The following SPAG16 variants were observed in gnomAD, a reference collection of about 807,000 sequenced individuals.
The protein encoded by SPAG16 is sperm-associated antigen 16 protein.
A neutral mutation model predicts 80.4 loss-of-function variants in SPAG16; 86 were observed. The ratio of observed to expected loss-of-function variants is 1.07; its 90% confidence interval spans 0.90 to 1.28. The LOEUF (loss-of-function observed/expected upper bound fraction) is 1.28. Ranked by LOEUF, SPAG16 falls within the 50% of genes most tolerant of loss-of-function variation. The pLI is 0.00. For missense variants in SPAG16, 870 were observed against 765.3 expected, an observed-to-expected ratio of 1.14 and a Z score of -1.61; for synonymous variants, 294 against 265.9, an observed-to-expected ratio of 1.11 and a Z score of -1.03.
At chr2:213,797,789 A>G (rs1185069713) in intron 10 of SPAG16, among the ~76,000 whole-genome samples, 1 of 152,224 alleles carries the variant, frequency 6.6e-6, no homozygotes, top group Non-Finnish European at 1.5e-5. Context: ...GCATTTATGT[A>G]CAAGTCTTTG....
At chr2:214,056,280 T>TACACACACACACACAC (rs60247479) in intron 13 of SPAG16, among the ~76,000 whole-genome samples, 1 of 144,562 alleles carries the variant, frequency 6.9e-6, no homozygotes, top group African/African-American at 2.6e-5. Context: ...GTAGTAGAAA[T>TACACACACACACACAC]ACACACACAC....
At chr2:214,148,669 A>T (rs2055787877) in intron 14 of SPAG16, among the ~76,000 whole-genome samples, 1 of 6,358 alleles carries the variant, frequency 1.6e-4, no homozygotes, top group Admixed American at 4.1e-3. Context: ...TAAATTATCA[A>T]TGCTAACTAA....
rs139486780 is a variant in SPAG16, at chr2:213,668,624, TTTTTGTTTTG to T, written c.1070+178553_1070+178562del. On this transcript the variant is annotated intron_variant, in intron 10 of 15. Coordinates refer to ENST00000331683, the MANE Select transcript of SPAG16 (RefSeq NM_024532.5). The stretch of plus-strand genomic sequence containing the variant: ...ATTTTTTGAGAAATATAATAGTGTT[TTTTTGTTTTG>T]TTTTGTTTTGTTTTGTTTGTTTTGC... Among the ~76,000 whole-genome samples, 1,132 of 152,000 alleles carry T rather than the reference TTTTTGTTTTG, an allele frequency of 7.4e-3. 12 individuals carry two copies. Among genetic ancestry groups the T allele is most frequent in the Non-Finnish European group, 0.011 (762 of 67,974 alleles).
chr2:213,910,888 T>G (rs1229196470), intron 11 of SPAG16, among the ~76,000 whole-genome samples: 1 of 152,166 alleles, frequency 6.6e-6, no homozygotes, highest in Non-Finnish European at 1.5e-5. Flanking sequence ...TCAGAGATGG[T>G]AAATGTAAAT....
At chr2:214,334,060 A>G (rs1697113590) in intron 15 of SPAG16, among the ~76,000 whole-genome samples, 1 of 152,168 alleles carries the variant, frequency 6.6e-6, no homozygotes. Flanking sequence ...AATATGTCCC[A>G]TGCCCCTTGA....
At chr2:214,142,596 G>T (rs1285000482) in intron 14 of SPAG16, among the ~76,000 whole-genome samples, 4 of 152,042 alleles carry the variant, frequency 2.6e-5, no homozygotes, top group African/African-American at 9.7e-5. Flanking sequence ...TAGTTCCAGG[G>T]TGACCTAGGA....
chr2:213,934,115 G>A (rs542417673), intron 12 of SPAG16, among the ~76,000 whole-genome samples: 30 of 152,278 alleles, frequency 2.0e-4, no homozygotes, highest in Non-Finnish European at 3.5e-4. Context: ...AGAACAATGG[G>A]GAAAGGTGCT....
At chr2:213,830,400 C>T (rs1209095424) in intron 10 of SPAG16, among the ~76,000 whole-genome samples, 1 of 152,082 alleles carries the variant, frequency 6.6e-6, no homozygotes, top group Non-Finnish European at 1.5e-5. Flanking sequence ...GACTGTCTAC[C>T]CTCTTCAATG....
At chr2:213,561,961 T>C (rs73988546) in intron 10 of SPAG16, among the ~76,000 whole-genome samples, 13,173 of 152,222 alleles carry the variant, frequency 0.087, 1,428 homozygotes, top group African/African-American at 0.25. Context: ...CAGCCAATTA[T>C]TCTGTCTTGA....
At chr2:213,355,244 C>G (rs564752118) in intron 7 of SPAG16, among the ~76,000 whole-genome samples, 71 of 152,286 alleles carry the variant, frequency 4.7e-4, no homozygotes, top group African/African-American at 1.7e-3. Flanking sequence ...GGTACTGGTA[C>G]CATGCTATTT....
At chr2:213,544,435 C>A (rs1209664520) in intron 10 of SPAG16, among the ~76,000 whole-genome samples, 27 of 151,948 alleles carry the variant, frequency 1.8e-4, no homozygotes, top group Non-Finnish European at 3.8e-4. Flanking sequence ...ATATCCCATA[C>A]CCCCACACGT....
chr2:213,891,053 T>G (rs768110081), intron 11 of SPAG16, among the ~76,000 whole-genome samples: 3 of 152,074 alleles, frequency 2.0e-5, no homozygotes, highest in Non-Finnish European at 4.4e-5. Flanking sequence ...TTAGAAATCA[T>G]TGGTATTTTT....
At chr2:213,939,554 C>T (rs2079116534) in intron 12 of SPAG16, among the ~76,000 whole-genome samples, 1 of 152,124 alleles carries the variant, frequency 6.6e-6, no homozygotes, top group South Asian at 2.1e-4. Flanking sequence ...TGGTGCCAAG[C>T]CTTCTTATCT....
rs1015803086 is a variant in SPAG16, at chr2:214,075,253, T to C, written c.1528-32943T>C. The stretch of plus-strand genomic sequence containing the variant: ...AAAGTGTTTCTATCTTCTCTTTCAG[T>C]AATAATACATTTTGTGGCCCATTTA... On this transcript the variant is annotated intron_variant, in intron 13 of 15. Coordinates refer to ENST00000331683, the MANE Select transcript of SPAG16 (RefSeq NM_024532.5). Among the ~76,000 whole-genome samples the C allele has an allele frequency of 6.6e-5, 10 of 152,188 alleles. No individual in the cohort carries two copies. In the East Asian group the frequency reaches 1.7e-3, roughly 26 times the overall value.
At chr2:213,720,841 G>A (rs564649611) in intron 10 of SPAG16, among the ~76,000 whole-genome samples, 60 of 145,342 alleles carry the variant, frequency 4.1e-4, no homozygotes, top group African/African-American at 1.5e-3. Flanking sequence ...CGCCTCCCGG[G>A]TTCAAGCGAT....
chr2:213,528,436 A>G lies in SPAG16; in HGVS notation c.1070+38346A>G, dbSNP rs565393406. Among the ~76,000 whole-genome samples the G allele has an allele frequency of 1.5e-4, 23 of 152,024 alleles. No homozygotes were observed. The South Asian group carries it at 4.6e-3, about 30-fold the overall frequency. On this transcript the variant is annotated intron_variant, in intron 10 of 15. Coordinates refer to ENST00000331683, the MANE Select transcript of SPAG16 (RefSeq NM_024532.5). ...CAAAATCGCATATATTAACTTTTAA[A>G]TTTTTATATATAGTATGTAACAGAT...
rs571499048 is a variant in SPAG16 at position 213,510,558 on chromosome 2, T to A, written c.1070+20468T>A. Among the ~76,000 whole-genome samples the A allele has an allele frequency of 1.4e-4, 21 of 152,292 alleles. No individual in the cohort carries two copies. In the South Asian group the frequency reaches 4.1e-3, roughly 30 times the overall value. On this transcript the variant is annotated intron_variant, in intron 10 of 15. Transcript: ENST00000331683. ...TAATATGGAATATATTTGACTCGGA[T>A]ATATGTAACTGGAAACAACTTTAAC... is the stretch of plus-strand genomic sequence containing the variant.
At chr2:213,900,833 A>G (rs1367953475) in intron 11 of SPAG16, among the ~76,000 whole-genome samples, 1 of 152,128 alleles carries the variant, frequency 6.6e-6, no homozygotes, top group Non-Finnish European at 1.5e-5. Context: ...TAGCCTTCAT[A>G]ACCACCTTTT....
intron 4 of SPAG16, among the ~76,000 whole-genome samples, chr2:213,313,707 T>C (rs2063295004): frequency 6.6e-6 from 1 of 151,884 alleles, no homozygotes; most frequent in Admixed American, 6.6e-5. Flanking sequence ...AGAATTCAAA[T>C]TTGTGCCTAT....
Sources: gnomAD v4.1 joint callset for allele counts (sites outside exome capture counted in the v4.1 genomes callset) on GRCh38, gnomAD v4.1.1 for gene constraint, MANE v1.5 for transcripts, NCBI Gene and HGNC (gene_info 2026-07-23, HGNC 2026-07-21) for gene names.